Variants in ANK3 observed in about 807,000 individuals in gnomAD.
ANK3 encodes ankyrin 3, also known as ankyrin-3.
In ANK3, 57 loss-of-function variants were observed where a neutral mutation model predicts 370.9. The ratio of observed to expected loss-of-function variants is 0.15; its 90% CI spans 0.12 to 0.19. The LOEUF (loss-of-function observed/expected upper bound fraction) is 0.19, where lower values mean the gene tolerates loss of function less well. ANK3 is among the 10% of genes least tolerant of loss of function. The pLI is 1.00. For missense variants in ANK3, 4,439 were observed against 5,302.1 expected, an observed-to-expected ratio of 0.84 and a Z score of 5.06; for synonymous variants, 1,929 against 1,946.3, an observed-to-expected ratio of 0.99 and a Z score of 0.23.
intron 1 of ANK3, among the ~76,000 whole-genome samples, chr10:60,368,943 G>A (rs983133214): frequency 6.6e-6 from 1 of 152,190 alleles, no homozygotes; most frequent in African/African-American, 2.4e-5. Flanking sequence ...GGGGGATACT[G>A]ACTATAGAAG....
At chr10:60,402,303 G>T (rs1431111754) in intron 2 of ANK3, among the ~76,000 whole-genome samples, 1 of 152,116 alleles carries the variant, frequency 6.6e-6, no homozygotes, top group Non-Finnish European at 1.5e-5. Context: ...ATAAAAAAAT[G>T]CATAAGTATT....
chr10:60,129,550 G>C (rs1221499207), intron 25 of ANK3, among the ~76,000 whole-genome samples: 1 of 152,150 alleles, frequency 6.6e-6, no homozygotes, highest in African/African-American at 2.4e-5. Context: ...TCAGGAGTTC[G>C]AGACAAGCCT....
chr10:60,651,166 CA>C (rs1164098408), intron 1 of ANK3, among the ~76,000 whole-genome samples: 2 of 152,168 alleles, frequency 1.3e-5, no homozygotes, highest in Non-Finnish European at 2.9e-5. Context: ...CACACGCACA[CA>C]ATGTACCTGT....
At chr10:60,178,626 T>C (rs2096050399) in intron 18 of ANK3, among the ~76,000 whole-genome samples, 1 of 149,780 alleles carries the variant, frequency 6.7e-6, no homozygotes, top group South Asian at 2.2e-4. Flanking sequence ...AGGTAAGAAT[T>C]TGGTGACCAG....
intron 7 of ANK3, among the ~76,000 whole-genome samples, chr10:60,261,225 C>A (rs1263799741): frequency 6.6e-6 from 1 of 152,198 alleles, no homozygotes; most frequent in African/African-American, 2.4e-5. Flanking sequence ...GTACTTCCAA[C>A]AGTGTTTCTG....
chr10:60,266,825 A>T (rs1485929328), intron 5 of ANK3, among the ~76,000 whole-genome samples: 2 of 152,198 alleles, frequency 1.3e-5, no homozygotes, highest in South Asian at 2.1e-4. Context: ...AATGTGATAG[A>T]GGCTACTGGA....
intron 2 of ANK3, among the ~76,000 whole-genome samples, chr10:60,501,101 T>C (rs2075784228): frequency 6.6e-6 from 1 of 152,066 alleles, no homozygotes. Flanking sequence ...TACTCAAAGG[T>C]ATTCTTTAAC....
At chr10:60,336,726 T>C (rs1025294386) in intron 1 of ANK3, among the ~76,000 whole-genome samples, 1 of 152,248 alleles carries the variant, frequency 6.6e-6, no homozygotes, top group Non-Finnish European at 1.5e-5. Context: ...TGTAAATGAA[T>C]AGCCAGCATA....
At chr10:60,520,374 T>C (rs2076321217) in intron 2 of ANK3, among the ~76,000 whole-genome samples, 1 of 152,080 alleles carries the variant, frequency 6.6e-6, no homozygotes, top group Non-Finnish European at 1.5e-5. Flanking sequence ...CTTAGCATCA[T>C]GCAATATAAC....
chr10:60,240,308 T>TATATATA (rs1565920200), intron 7 of ANK3, among the ~76,000 whole-genome samples: 8 of 79,196 alleles, frequency 1.0e-4, no homozygotes, highest in Non-Finnish European at 2.5e-4. Context: ...ATATATATAT[T>TATATATA]TTTTTTTCTT....
chr10:60,641,482 C>G (rs1344817225), intron 1 of ANK3, among the ~76,000 whole-genome samples: 1 of 151,128 alleles, frequency 6.6e-6, no homozygotes, highest in Non-Finnish European at 1.5e-5. Flanking sequence ...CGCCGCATAT[C>G]TACAACTATC....
chr10:60,238,588 G>T (rs1252635480), intron 7 of ANK3, among the ~76,000 whole-genome samples: 1 of 152,106 alleles, frequency 6.6e-6, no homozygotes, highest in Non-Finnish European at 1.5e-5. Context: ...AACTGCTGAG[G>T]TAAGGCAGGA....
intron 29 of ANK3, among the ~76,000 whole-genome samples, chr10:60,087,693 C>T (rs1358755395): frequency 6.6e-6 from 1 of 152,050 alleles, no homozygotes; most frequent in East Asian, 1.9e-4. Context: ...CAAGAAAAAT[C>T]TTTTGATCCA....
intron 1 of ANK3, among the ~76,000 whole-genome samples, chr10:60,662,621 C>T (rs992541697): frequency 6.6e-6 from 1 of 152,094 alleles, no homozygotes; most frequent in Non-Finnish European, 1.5e-5. Context: ...AATATACTGA[C>T]CGATTTCTTA....
intron 2 of ANK3, among the ~76,000 whole-genome samples, chr10:60,451,786 G>T (rs2064610401): frequency 6.6e-6 from 1 of 152,104 alleles, no homozygotes; most frequent in African/African-American, 2.4e-5. Context: ...ACGCTCTGTG[G>T]GTGTGTGTGG....
rs554472377 is a variant in ANK3 at position 60,243,896 on chromosome 10, G to A, written c.799-9110C>T. On this transcript the variant is annotated intron_variant, in intron 7 of 43. Transcript: ENST00000280772. The stretch of plus-strand genomic sequence containing the variant: ...TGAGCTCAGAACAGGCTGTGTCTGT[G>A]AGCCATGCTGGGATCAGGAGCAGCT... Among the ~76,000 whole-genome samples the A allele has an allele frequency of 3.9e-5, 6 of 152,288 alleles. No homozygotes were observed. In the South Asian group the frequency reaches 1.0e-3, roughly 26 times the overall value.
intron 1 of ANK3, among the ~76,000 whole-genome samples, chr10:60,341,740 T>C (rs2054332340): frequency 6.6e-6 from 1 of 152,196 alleles, no homozygotes; most frequent in Non-Finnish European, 1.5e-5. Flanking sequence ...TGATTGGTTT[T>C]TGAATGAATG....
intron 2 of ANK3, chr10:60,615,168 A>G: frequency 6.8e-7 from 1 of 1,470,516 alleles, no homozygotes; most frequent in Non-Finnish European, 9.0e-7. Context: ...TGTTGAGTTT[A>G]GTGATAATTT....
chr10:60,433,290 G>C (rs963620343), intron 2 of ANK3, among the ~76,000 whole-genome samples: 1 of 152,046 alleles, frequency 6.6e-6, no homozygotes, highest in Non-Finnish European at 1.5e-5. Context: ...GCCACAGTGG[G>C]ATAATTTCAC....
Sources: gnomAD v4.1 joint callset for allele counts (sites outside exome capture counted in the v4.1 genomes callset) on GRCh38, gnomAD v4.1.1 for gene constraint, MANE v1.5 for transcripts, NCBI Gene and HGNC (gene_info 2026-07-23, HGNC 2026-07-21) for gene names.